Variants in GUCY1A2 observed in about 807,000 individuals in gnomAD.
GUCY1A2 encodes guanylate cyclase 1 soluble subunit alpha 2.
GUCY1A2 carries 27 observed loss-of-function variants against 63.5 expected under a neutral mutation model. The observed-to-expected ratio is 0.43, with a 90% CI of 0.31 to 0.59. The LOEUF (loss-of-function observed/expected upper bound fraction) is 0.59, where lower values mean the gene tolerates loss of function less well. Among genes scored for constraint, GUCY1A2 ranks in the 20% least tolerant of loss-of-function variants. The pLI is 0.11. For missense variants in GUCY1A2, 768 were observed against 913.3 expected (o/e 0.84, Z 2.05); for synonymous variants, 364 against 343.5 (o/e 1.06, Z -0.66).
In GUCY1A2 at chr11:106,964,746, A is replaced by G. The variant is rs570427122; in HGVS notation, c.487+13873T>C. Among the ~76,000 whole-genome samples, 29 of 152,262 alleles carry G rather than the reference A, an allele frequency of 1.9e-4. No individual in the cohort carries two copies. In the East Asian group the frequency reaches 3.5e-3, roughly 18 times the overall value. ...TGTAATCCCAGCACTTTGGGAGGCCAAGGCGGGCGGATCATGAGGTCAGGA... is the reference window on the plus strand; with the variant it reads ...TGTAATCCCAGCACTTTGGGAGGCCGAGGCGGGCGGATCATGAGGTCAGGA... On this transcript the variant is annotated intron_variant, in intron 3 of 7. Coordinates refer to ENST00000526355, the MANE Select transcript of GUCY1A2 (RefSeq NM_000855.3).
chr11:106,689,868 C>T (rs1479802951), intron 7 of GUCY1A2, among the ~76,000 whole-genome samples: 1 of 151,488 alleles, frequency 6.6e-6, no homozygotes, highest in Non-Finnish European at 1.5e-5. Flanking sequence ...GTTGGTGCGC[C>T]CCTGTAATCC....
chr11:106,735,681 TA>T (rs1364201680), intron 6 of GUCY1A2, among the ~76,000 whole-genome samples: 1 of 152,140 alleles, frequency 6.6e-6, no homozygotes, highest in African/African-American at 2.4e-5. Flanking sequence ...ATGGTAGTTT[TA>T]TTTTTAGATT....
intron 1 of GUCY1A2, among the ~76,000 whole-genome samples, chr11:107,001,794 G>T (rs112929312): frequency 6.6e-6 from 1 of 152,028 alleles, no homozygotes; most frequent in Non-Finnish European, 1.5e-5. Context: ...AAAGGCAGGC[G>T]GATCACCTGA....
intron 4 of GUCY1A2, among the ~76,000 whole-genome samples, chr11:106,817,274 C>T (rs1348297202): frequency 6.6e-6 from 1 of 152,004 alleles, no homozygotes; most frequent in African/African-American, 2.4e-5. Flanking sequence ...GTCATCTTGC[C>T]CCCAAGATTT....
intron 4 of GUCY1A2, among the ~76,000 whole-genome samples, chr11:106,873,743 C>G: frequency 6.6e-6 from 1 of 152,062 alleles, no homozygotes; most frequent in East Asian, 1.9e-4. Flanking sequence ...ATGATAGTTT[C>G]TTTTGTTGTG....
chr11:106,892,978 C>A (rs193146072), intron 4 of GUCY1A2, among the ~76,000 whole-genome samples: 1 of 151,878 alleles, frequency 6.6e-6, no homozygotes, highest in South Asian at 2.1e-4. Flanking sequence ...AAAAGTGGGG[C>A]GGATGTATTT....
intron 1 of GUCY1A2, among the ~76,000 whole-genome samples, chr11:107,003,175 T>A (rs887657233): frequency 6.6e-6 from 1 of 152,174 alleles, no homozygotes; most frequent in Non-Finnish European, 1.5e-5. Flanking sequence ...GCCGACAATA[T>A]CCTTTGTTTA....
intron 6 of GUCY1A2, among the ~76,000 whole-genome samples, chr11:106,768,465 T>C (rs1336553217): frequency 1.3e-5 from 2 of 152,236 alleles, no homozygotes; most frequent in East Asian, 3.9e-4. Flanking sequence ...TTCAAGGCAA[T>C]AGGAAGATTT....
At chr11:106,926,799 T>C (rs1038613968) in intron 4 of GUCY1A2, among the ~76,000 whole-genome samples, 10 of 151,712 alleles carry the variant, frequency 6.6e-5, no homozygotes, top group Non-Finnish European at 1.3e-4. Flanking sequence ...GATCAAACCA[T>C]ATATAAAGTT....
intron 6 of GUCY1A2, among the ~76,000 whole-genome samples, chr11:106,709,466 TAATATATATTATTATATATTTA>T (rs1368849327): frequency 1.1e-5 from 1 of 88,722 alleles, no homozygotes; most frequent in Non-Finnish European, 1.9e-5. Context: ...ATTTATAGAA[TAATATATATTATTATATATTTA>T]TATATATATA....
chr11:106,946,676 T>G (rs1591338398), intron 3 of GUCY1A2, among the ~76,000 whole-genome samples: 1 of 151,980 alleles, frequency 6.6e-6, no homozygotes, highest in Non-Finnish European at 1.5e-5. Context: ...CTAAGAGACA[T>G]AAACCAAGCA....
At chr11:106,956,978 C>G (rs1047903949) in intron 3 of GUCY1A2, among the ~76,000 whole-genome samples, 1 of 152,196 alleles carries the variant, frequency 6.6e-6, no homozygotes, top group Non-Finnish European at 1.5e-5. Flanking sequence ...GAGCCTCTAG[C>G]TGGAGTTATT....
chr11:106,755,495 T>C (rs931832258), intron 6 of GUCY1A2, among the ~76,000 whole-genome samples: 1 of 152,166 alleles, frequency 6.6e-6, no homozygotes, highest in African/African-American at 2.4e-5. Context: ...GTGCTATAAA[T>C]TTCCCTCTAC....
chr11:106,888,633 T>TA (rs1209608309), intron 4 of GUCY1A2, among the ~76,000 whole-genome samples: 2 of 152,210 alleles, frequency 1.3e-5, no homozygotes, highest in African/African-American at 4.8e-5. Context: ...CAGGCGTTTG[T>TA]ACCACAATAA....
intron 4 of GUCY1A2, chr11:106,826,902 A>C: frequency 6.2e-7 from 1 of 1,607,530 alleles, no homozygotes; most frequent in Non-Finnish European, 8.5e-7. Flanking sequence ...CTAGATCAAA[A>C]CTGTTACCAT....
chr11:106,800,519 A>C (rs1864855596), intron 5 of GUCY1A2, among the ~76,000 whole-genome samples: 2 of 152,206 alleles, frequency 1.3e-5, no homozygotes, highest in Admixed American at 6.5e-5. Context: ...CTGGATTAAG[A>C]AAATGTGACA....
At chr11:106,766,765 A>C (rs965489894) in intron 6 of GUCY1A2, among the ~76,000 whole-genome samples, 2 of 152,028 alleles carry the variant, frequency 1.3e-5, no homozygotes, top group African/African-American at 4.8e-5. Flanking sequence ...GAGTTAGGCT[A>C]CTCATGTTGG....
In GUCY1A2 at chr11:107,018,023, G is replaced by A. The variant is rs199600417; in HGVS notation, c.33C>T (p.Phe11=). ...CCAGGTAGTCGGAGCCCAGGGAGCT[G>A]AAGGACTCGGACGAAATCTTCCTTC... is the stretch of plus-strand genomic sequence containing the variant. MSRRKISSES[F]SSLGSDYLET... Residue 11 remains phenylalanine, a synonymous_variant, in exon 1 of 8, where the codon TTC becomes TTT. Transcript: ENST00000526355. 7.1e-4 allele frequency: 1,046 copies of A among 1,477,194 alleles called. 12 individuals are homozygous for A. In the East Asian group the frequency reaches 0.013, roughly 18 times the overall value. The allele number at this position is 1,477,194 out of a possible 1,614,324, so 91.5% of individuals were successfully genotyped here. A position where few individuals can be genotyped will look rare whatever the true frequency, so the allele number is the denominator to read the frequency against.
intron 5 of GUCY1A2, among the ~76,000 whole-genome samples, chr11:106,799,179 C>A (rs1864823196): frequency 6.6e-6 from 1 of 152,076 alleles, no homozygotes; most frequent in Admixed American, 6.6e-5. Context: ...CCTAGGAATC[C>A]AACTTACAAG....
Sources: gnomAD v4.1 joint callset for allele counts (sites outside exome capture counted in the v4.1 genomes callset) on GRCh38, gnomAD v4.1.1 for gene constraint, MANE v1.5 for transcripts, NCBI Gene and HGNC (gene_info 2026-07-23, HGNC 2026-07-21) for gene names.